Variants in ELMOD1 observed in about 807,000 individuals in gnomAD.
ELMOD1 encodes ELMO domain containing 1.
In ELMOD1, 21 loss-of-function variants were observed where a neutral mutation model predicts 46.7. The observed-to-expected ratio is 0.45, with a 90% CI of 0.32 to 0.65. ELMOD1 has a LOEUF of 0.65. Among genes scored for constraint, ELMOD1 ranks in the 30% least tolerant of loss-of-function variants. The pLI is 0.04. For synonymous variants in ELMOD1, 122 were observed against 138.2 expected (o/e 0.88, Z 0.82); for missense variants, 348 against 407.8 (o/e 0.85, Z 1.26).
chr11:107,603,515 G>T (rs1035862957), intron 1 of ELMOD1, among the ~76,000 whole-genome samples: 1 of 152,142 alleles, frequency 6.6e-6, no homozygotes, highest in Non-Finnish European at 1.5e-5. Flanking sequence ...CTCCAGCCTG[G>T]GCGATAGAGC....
chr11:107,622,361 G>C (rs565064767), intron 2 of ELMOD1, among the ~76,000 whole-genome samples: 10 of 152,320 alleles, frequency 6.6e-5, no homozygotes, highest in Non-Finnish European at 1.0e-4. Context: ...CAAAAATCAA[G>C]TTAGGAGCAG....
At chr11:107,653,359 GAA>G (rs201403795) in intron 9 of ELMOD1, 13 of 151,624 alleles carry the variant, frequency 8.6e-5, no homozygotes, top group African/African-American at 2.9e-4. Flanking sequence ...GAGAGAGAGA[GAA>G]AGCATTTTCA....
At chr11:107,596,802 A>C (rs1865498620) in intron 1 of ELMOD1, among the ~76,000 whole-genome samples, 1 of 152,156 alleles carries the variant, frequency 6.6e-6, no homozygotes, top group Admixed American at 6.5e-5. Context: ...AGATGGGTTG[A>C]GTTATAGTTT....
chr11:107,604,817 A>G (rs1865660127), intron 1 of ELMOD1, among the ~76,000 whole-genome samples: 1 of 152,200 alleles, frequency 6.6e-6, no homozygotes, highest in Non-Finnish European at 1.5e-5. Context: ...AATGAATGCT[A>G]TTACCTCTTC....
chr11:107,660,226 A>T (rs1197742699), intron 11 of ELMOD1, among the ~76,000 whole-genome samples: 1 of 152,216 alleles, frequency 6.6e-6, no homozygotes, highest in South Asian at 2.1e-4. Flanking sequence ...AAACCAAGAC[A>T]TTCAAGCAGC....
chr11:107,592,342 A>G (rs764953181), intron 1 of ELMOD1: 3 of 533,754 alleles, frequency 5.6e-6, no homozygotes, highest in South Asian at 1.4e-5. Context: ...GCTAACCCCC[A>G]GTGGGCCGTA....
At chr11:107,660,706 G>C (rs525584) in intron 11 of ELMOD1, among the ~76,000 whole-genome samples, 15,025 of 152,222 alleles carry the variant, frequency 0.099, 1,646 homozygotes, top group East Asian at 0.3. Flanking sequence ...CTGAAAGATG[G>C]AGATGTAATA....
At chr11:107,646,251 A>G (rs1013300787) in intron 6 of ELMOD1, among the ~76,000 whole-genome samples, 65 of 152,350 alleles carry the variant, frequency 4.3e-4, no homozygotes, top group African/African-American at 1.6e-3. Flanking sequence ...ATTAAGCAGT[A>G]AAGAGTATAA....
chr11:107,617,398 C>G (rs888650848), intron 1 of ELMOD1, among the ~76,000 whole-genome samples: 1 of 152,212 alleles, frequency 6.6e-6, no homozygotes, highest in African/African-American at 2.4e-5. Flanking sequence ...GACACTCTCT[C>G]TTCTATAGTC....
intron 9 of ELMOD1, among the ~76,000 whole-genome samples, chr11:107,651,459 G>T (rs995380311): frequency 2.6e-5 from 4 of 152,086 alleles, no homozygotes; most frequent in African/African-American, 7.2e-5. Context: ...ACCATCTCAA[G>T]ATTCAGGGAT....
intron 5 of ELMOD1, among the ~76,000 whole-genome samples, chr11:107,634,470 G>C (rs1238489243): frequency 6.6e-6 from 1 of 152,202 alleles, no homozygotes; most frequent in Non-Finnish European, 1.5e-5. Context: ...TGGGCGCAGT[G>C]GCTCATGCCT....
intron 1 of ELMOD1, chr11:107,592,361 C>G (rs1013931092): frequency 1.9e-6 from 1 of 534,212 alleles, no homozygotes; most frequent in Non-Finnish European, 3.8e-6. Context: ...TAGATTGGTA[C>G]TATCAATTGA....
chr11:107,601,416 C>CTTTTTTTT (rs56341702), intron 1 of ELMOD1, among the ~76,000 whole-genome samples: 11 of 122,120 alleles, frequency 9.0e-5, no homozygotes, highest in East Asian at 2.3e-4. Context: ...TTAATTTTTT[C>CTTTTTTTT]TTTTTTTTTT....
At chr11:107,600,211 A>G (rs1039366995) in intron 1 of ELMOD1, among the ~76,000 whole-genome samples, 6 of 152,216 alleles carry the variant, frequency 3.9e-5, no homozygotes, top group Non-Finnish European at 8.8e-5. Context: ...GATTTCATTT[A>G]TAAATACTTC....
intron 5 of ELMOD1, among the ~76,000 whole-genome samples, chr11:107,633,506 C>T (rs1385437172): frequency 1.3e-5 from 2 of 152,132 alleles, no homozygotes; most frequent in Non-Finnish European, 2.9e-5. Context: ...AGTCTAGGCT[C>T]ACTGCAACCT....
At chr11:107,655,804 A>G in intron 10 of ELMOD1, 129 bp from the exon 11 acceptor site, 1 of 988,008 alleles carries the variant, frequency 1.0e-6, no homozygotes, top group Non-Finnish European at 1.4e-6. Flanking sequence ...CCATAAAGTG[A>G]CTTCCTGACA....
intron 2 of ELMOD1, among the ~76,000 whole-genome samples, chr11:107,621,129 A>G (rs1344127376): frequency 1.3e-5 from 2 of 152,364 alleles, no homozygotes; most frequent in East Asian, 3.9e-4. Context: ...TCAGAACATG[A>G]TTAATTTTGG....
intron 1 of ELMOD1, among the ~76,000 whole-genome samples, chr11:107,601,849 T>A (rs919312539): frequency 6.6e-6 from 1 of 152,214 alleles, no homozygotes; most frequent in African/African-American, 2.4e-5. Flanking sequence ...TTCCAGTTTT[T>A]TTTTGAAGAC....
At chr11:107,623,475 C>T (rs1308857366) in intron 2 of ELMOD1, 1 of 152,226 alleles carries the variant, frequency 6.6e-6, no homozygotes, top group Non-Finnish European at 1.5e-5. Context: ...TACCCGAAAG[C>T]CACGGGCACT....
Sources: allele counts gnomAD v4.1 joint callset (sites outside exome capture counted in the v4.1 genomes callset), GRCh38; gene constraint gnomAD v4.1.1; transcripts MANE v1.5; gene names NCBI Gene and HGNC (gene_info 2026-07-23, HGNC 2026-07-21).